CDCA3: variants seen among roughly 807,000 people sequenced by gnomAD.
The protein encoded by CDCA3 is cell division cycle associated 3, also known as cell division cycle-associated protein 3.
Under a neutral mutation model 29.1 loss-of-function variants are expected in CDCA3, and 16 were observed. The ratio of observed to expected loss-of-function variants is 0.55; its 90% CI spans 0.37 to 0.83. The LOEUF (loss-of-function observed/expected upper bound fraction) is 0.83. CDCA3 is among the 40% of genes least tolerant of loss of function. CDCA3 has a pLI of 0.00. For synonymous variants in CDCA3, 88 were observed against 124.5 expected (o/e 0.71, Z 1.95); for missense variants, 291 against 327.2 (o/e 0.89, Z 0.85).
chr12:6,846,992 G>T, downstream of CDCA3: 1 of 733,996 alleles, frequency 1.4e-6, no homozygotes, highest in East Asian at 2.7e-5. Flanking sequence ...CTATATTCCG[G>T]GTGCCATTCC....
Position 6,850,273 on chromosome 12 carries a change from C to G in CDCA3, c.250+194G>C. 3 of 699,834 alleles carry G rather than the reference C, an allele frequency of 4.3e-6. No homozygotes were observed. Among genetic ancestry groups the G allele is most frequent in the Non-Finnish European group, 7.0e-6 (3 of 428,932 alleles). 43.4% of individuals were successfully genotyped at this position (699,834 alleles called of 1,614,324 possible). A position where few individuals can be genotyped will look rare whatever the true frequency, so the allele number is the denominator to read the frequency against. On this transcript the variant is annotated intron_variant, in intron 3 of 5. Coordinates refer to ENST00000538862, the MANE Select transcript of CDCA3 (RefSeq NM_031299.7). The surrounding 1 kb of genome is among the most constrained non-coding windows in gnomAD (Gnocchi z 4.7). ...GCTCAAGCGATCTGACCACCCCGGCCTTCCAACGTGCTGGGATTACAGGCA... is the reference window on the plus strand; with the variant it reads ...GCTCAAGCGATCTGACCACCCCGGCGTTCCAACGTGCTGGGATTACAGGCA...
chr12:6,850,362 G>A lies in CDCA3; in HGVS notation c.250+105C>T. On this transcript the variant is annotated intron_variant, in intron 3 of 5. Transcript: ENST00000538862. The surrounding 1 kb of genome is among the most constrained non-coding windows in gnomAD (Gnocchi z 4.7). ...TAAGAGTGAGATGGGTCCGAAGCAG[G>A]AGGATAGAGGCCCCTTTAAGGAACC... 2.1e-6 allele frequency: 3 copies of A among 1,420,384 alleles called. No homozygotes were observed. Among genetic ancestry groups the A allele is most frequent in the Non-Finnish European group, 2.9e-6 (3 of 1,023,006 alleles). 88.0% of individuals were successfully genotyped at this position (1,420,384 alleles called of 1,614,324 possible). A position where few individuals can be genotyped will look rare whatever the true frequency, so the allele number is the denominator to read the frequency against.
chr12:6,845,123 A>G (rs1381323488), downstream of CDCA3: 2 of 154,288 alleles, frequency 1.3e-5, no homozygotes, highest in Non-Finnish European at 1.4e-5. Context: ...CTTTTATGTC[A>G]TTGACGTTTT....
At chr12:6,846,608 C>G (rs1212335866), downstream of CDCA3, 4 of 536,008 alleles carry the variant, frequency 7.5e-6, no homozygotes, top group Non-Finnish European at 1.0e-5. Context: ...CATGCATGTG[C>G]TCAAGCACAC....
downstream of CDCA3, chr12:6,847,090 C>T: frequency 3.5e-6 from 2 of 567,716 alleles, no homozygotes; most frequent in South Asian, 2.1e-5. Flanking sequence ...AAAGAACTGC[C>T]CCATCTCCTC....
rs782280120 is a variant in CDCA3, at chr12:6,849,249, A to G, written c.652-51T>C. ...GGGGAGTTGCTGTTCAGAAGAGGGA[A>G]GATCTGGGTAAAAGGGTCTCCCACC... On this transcript the variant is annotated intron_variant, in intron 5 of 5. Transcript: ENST00000538862. The surrounding 1 kb of genome is among the most constrained non-coding windows in gnomAD (Gnocchi z 5.2). 1 of 1,610,196 alleles carries G rather than the reference A, an allele frequency of 6.2e-7. No homozygotes were observed. Among genetic ancestry groups the G allele is most frequent in the East Asian group, 2.2e-5 (1 of 44,832 alleles).
In CDCA3 at chr12:6,849,430, C is replaced by G; in HGVS notation, c.545-1G>C. On this transcript the variant is annotated splice_acceptor_variant, in intron 4 of 5. Transcript: ENST00000538862. LOFTEE classifies it high-confidence loss of function. The surrounding 1 kb of genome is among the most constrained non-coding windows in gnomAD (Gnocchi z 5.2). ...GGTTTCCATCTATTGCGCATAGAAC[C>G]TGGGGTGGGTAAGGCGTTAAAGCAA... 6.3e-7 allele frequency: 1 copy of G among 1,583,386 alleles called. No individual in the cohort carries two copies. The highest frequency in any genetic ancestry group is 8.6e-7 in the Non-Finnish European group (1 of 1,164,134).
Position 6,850,517 on chromosome 12 carries a change from C to A in CDCA3, c.200G>T (p.Arg67Leu). ...GLKHAQDSDP[R>L]SPTLGIARTP... ...CCGTGCAATACCAAGAGTAGGAGAG[C>A]GGGGATCTGAGTCCTGGGCATGTTT... The change falls in exon 3 of 6, where the codon CGC becomes CTC. Residue 67 changes from arginine (R) to leucine (L), a missense_variant. Physicochemically the swap from Arg to Leu is moderately radical, Grantham distance 102. Coordinates refer to ENST00000538862, the MANE Select transcript of CDCA3 (RefSeq NM_031299.7). This position sits in a 1 kb window ranked among gnomAD's most constrained non-coding sequence, Gnocchi z 4.7. The A allele has an allele frequency of 6.2e-7, 1 of 1,614,052 alleles. No individual in the cohort carries two copies. Among genetic ancestry groups the A allele is most frequent in the South Asian group, 1.1e-5 (1 of 91,084 alleles).
At chr12:6,846,734 C>G, downstream of CDCA3, 1 of 971,242 alleles carries the variant, frequency 1.0e-6, no homozygotes, top group Non-Finnish European at 1.6e-6. Context: ...CACGCATGCA[C>G]ACACTGCTTT....
chr12:6,850,314 A>C lies in CDCA3; in HGVS notation c.250+153T>G. 9.3e-7 allele frequency: 1 copy of C among 1,072,754 alleles called. No individual in the cohort carries two copies. Among genetic ancestry groups the C allele is most frequent in the Admixed American group, 2.2e-5 (1 of 46,084 alleles). 66.5% of individuals were successfully genotyped at this position (1,072,754 alleles called of 1,614,324 possible). A position where few individuals can be genotyped will look rare whatever the true frequency, so the allele number is the denominator to read the frequency against. On this transcript the variant is annotated intron_variant, in intron 3 of 5. Transcript: ENST00000538862. The surrounding 1 kb of genome is among the most constrained non-coding windows in gnomAD (Gnocchi z 4.7). ...ATTACAGGCATGAGCCACCGCACCCAGGCTGGGAACAAAATATTGAGATAA... is the reference window on the plus strand; with the variant it reads ...ATTACAGGCATGAGCCACCGCACCCCGGCTGGGAACAAAATATTGAGATAA...
downstream of CDCA3, chr12:6,847,040 G>C (rs1040345131): frequency 2.3e-5 from 14 of 612,154 alleles, no homozygotes; most frequent in African/African-American, 2.2e-4. Context: ...GGGGAGCATG[G>C]GACTGTGCCT....
downstream of CDCA3, chr12:6,846,660 T>G (rs1168215510): frequency 4.5e-5 from 28 of 626,048 alleles, no homozygotes; most frequent in African/African-American, 5.1e-4. Flanking sequence ...TGCATACACA[T>G]GCACACATAT....
rs1555125676 is a variant in CDCA3 at position 6,849,380 on chromosome 12, T to C, written c.594A>G (p.Arg198=). Residue 198 remains arginine (R), a synonymous_variant, in exon 5 of 6, where the codon AGA becomes AGG. Coordinates refer to ENST00000538862, the MANE Select transcript of CDCA3 (RefSeq NM_031299.7). This position sits in a 1 kb window ranked among gnomAD's most constrained non-coding sequence, Gnocchi z 5.2. The part of the protein sequence containing the change: ...WKPNSSKVLG[R]SPLTILQDDN... Reference sequence around the variant, plus strand: ...CATCCTGCAGGATGGTGAGGGGGGATCTCCCTAGTACCTTGCTGCTGTTTG... The same window carrying C: ...CATCCTGCAGGATGGTGAGGGGGGACCTCCCTAGTACCTTGCTGCTGTTTG... The C allele has an allele frequency of 6.2e-7, 1 of 1,606,372 alleles. No individual in the cohort carries two copies. Among genetic ancestry groups the C allele is most frequent in the Admixed American group, 1.7e-5 (1 of 59,016 alleles).
Position 6,850,255 on chromosome 12 carries a change from C to A in CDCA3, c.250+212G>T. 1.6e-6 allele frequency: 1 copy of A among 607,006 alleles called. No individual in the cohort carries two copies. Among genetic ancestry groups the A allele is most frequent in the South Asian group, 2.0e-5 (1 of 50,822 alleles). 37.6% of individuals were successfully genotyped at this position (607,006 alleles called of 1,614,324 possible). Reference sequence around the variant, plus strand: ...CTGGTCTTGAACTCCTGGGCTCAAGCGATCTGACCACCCCGGCCTTCCAAC... The same window carrying A: ...CTGGTCTTGAACTCCTGGGCTCAAGAGATCTGACCACCCCGGCCTTCCAAC... On this transcript the variant is annotated intron_variant, in intron 3 of 5. Transcript: ENST00000538862. This position sits in a 1 kb window ranked among gnomAD's most constrained non-coding sequence, Gnocchi z 4.7.
chr12:6,845,388 G>A (rs2301338), downstream of CDCA3: 23,144 of 592,108 alleles, frequency 0.039, 2,241 homozygotes, highest in East Asian at 0.27. Flanking sequence ...AGTGCAGAGC[G>A]GGCGAGGGGC....
In CDCA3 at chr12:6,849,889, C is replaced by T. The variant is rs782710443; in HGVS notation, c.251-31G>A. The T allele has an allele frequency of 1.3e-6, 2 of 1,491,362 alleles. No homozygotes were observed. The highest frequency in any genetic ancestry group is 2.8e-5 in the South Asian group (2 of 71,026). The allele number at this position is 1,491,362 out of a possible 1,614,324, so 92.4% of individuals were successfully genotyped here. On this transcript the variant is annotated intron_variant, in intron 3 of 5. Transcript: ENST00000538862. The surrounding 1 kb of genome is among the most constrained non-coding windows in gnomAD (Gnocchi z 5.2). The stretch of plus-strand genomic sequence containing the variant: ...GGAAGAAAGTGAAGTGAACAGTGAC[C>T]TTCTGATACACAACATTCAGCAAGG...
chr12:6,850,534 G>C lies in CDCA3; in HGVS notation c.183C>G (p.Ala61=). The change falls in exon 3 of 6, where the codon GCC becomes GCG. Residue 61 remains alanine, a synonymous_variant. Coordinates refer to ENST00000538862, the MANE Select transcript of CDCA3 (RefSeq NM_031299.7). The surrounding 1 kb of genome is among the most constrained non-coding windows in gnomAD (Gnocchi z 4.7). ...TAGGAGAGCGGGGATCTGAGTCCTGGGCATGTTTAAGACCCTCCAGTTGCT... is the reference window on the plus strand; with the variant it reads ...TAGGAGAGCGGGGATCTGAGTCCTGCGCATGTTTAAGACCCTCCAGTTGCT... The part of the protein sequence containing the change: ...AGEQLEGLKH[A]QDSDPRSPTL... 6.2e-7 allele frequency: 1 copy of C among 1,614,030 alleles called. No individual in the cohort carries two copies.
chr12:6,848,949 C>G lies in CDCA3; in HGVS notation c.*94G>C, dbSNP rs1333186746. On this transcript the variant is annotated 3_prime_UTR_variant, in exon 6 of 6. Coordinates refer to ENST00000538862, the MANE Select transcript of CDCA3 (RefSeq NM_031299.7). ...GTAGCTGAGGAGGAGTCTAAGAAAA[C>G]AAGCCATTCCTCAGTATCCCTGGGA... is the stretch of plus-strand genomic sequence containing the variant. 1 of 656,964 alleles carries G rather than the reference C, an allele frequency of 1.5e-6. No homozygotes were observed. The allele number at this position is 656,964 out of a possible 1,614,324, so 40.7% of individuals were successfully genotyped here. A position where few individuals can be genotyped will look rare whatever the true frequency, so the allele number is the denominator to read the frequency against.
In CDCA3 at chr12:6,850,968, C is replaced by T; in HGVS notation, c.-16G>A. On this transcript the variant is annotated 5_prime_UTR_variant, in exon 2 of 6. Coordinates refer to ENST00000538862, the MANE Select transcript of CDCA3 (RefSeq NM_031299.7). This position sits in a 1 kb window ranked among gnomAD's most constrained non-coding sequence, Gnocchi z 4.7. The stretch of plus-strand genomic sequence containing the variant: ...CTGAGCCCATCTCAACCAGGAGTTG[C>T]AGGGTGGGGGCAAGGGCCAGCCCGG... The T allele has an allele frequency of 6.2e-7, 1 of 1,604,356 alleles. No individual in the cohort carries two copies. The highest frequency in any genetic ancestry group is 8.5e-7 in the Non-Finnish European group (1 of 1,178,568).
Sources: gnomAD v4.1 joint callset for allele counts on GRCh38, gnomAD v4.1.1 for gene constraint, Gnocchi (gnomAD v3.1) non-coding constraint, MANE v1.5 for transcripts, NCBI Gene and HGNC (gene_info 2026-07-23, HGNC 2026-07-21) for gene names.